Variants in PLPPR5 observed in about 807,000 individuals in gnomAD.
PLPPR5 encodes phospholipid phosphatase related 5.
Under a neutral mutation model 33.9 loss-of-function variants are expected in PLPPR5, and 16 were observed. The observed-to-expected ratio is 0.47, with a 90% CI of 0.32 to 0.72. The LOEUF is 0.72. PLPPR5 is among the 30% of genes least tolerant of loss of function. The pLI is 0.03. For synonymous variants in PLPPR5, 163 were observed against 150.3 expected (o/e 1.08, Z -0.62); for missense variants, 301 against 406.7 (o/e 0.74, Z 2.23).
intron 1 of PLPPR5, among the ~76,000 whole-genome samples, chr1:98,959,187 A>G (rs1651134148): frequency 6.6e-6 from 1 of 152,200 alleles, no homozygotes; most frequent in African/African-American, 2.4e-5. Context: ...GAGCCTGTAT[A>G]TGAAGTCCCT....
At chr1:98,897,948 A>T (rs1213433621) in intron 5 of PLPPR5, among the ~76,000 whole-genome samples, 1 of 152,178 alleles carries the variant, frequency 6.6e-6, no homozygotes, top group African/African-American at 2.4e-5. Flanking sequence ...ACAGCTAAAA[A>T]GGAAAGTTAA....
chr1:98,958,249 G>C (rs1220517086), intron 1 of PLPPR5, among the ~76,000 whole-genome samples: 2 of 152,200 alleles, frequency 1.3e-5, no homozygotes, highest in Admixed American at 1.3e-4. Flanking sequence ...TAGTATCTAT[G>C]ATTACAAGAT....
rs558515329 is a variant in PLPPR5, at chr1:98,987,148, C to A, written c.237+17287G>T. 4.0e-5 allele frequency among the ~76,000 whole-genome samples: 6 copies of A among 151,826 alleles called. No individual in the cohort carries two copies. The East Asian group carries it at 9.7e-4, about 25-fold the overall frequency. Reference sequence around the variant, plus strand: ...ACTACTTTGATACTGACAAACTTCCCAAAATCAAATGCTAAATTAAGTCTT... The same window carrying A: ...ACTACTTTGATACTGACAAACTTCCAAAAATCAAATGCTAAATTAAGTCTT... On this transcript the variant is annotated intron_variant, in intron 1 of 5. Transcript: ENST00000263177.
At chr1:98,983,902 G>A (rs1557693245) in intron 1 of PLPPR5, among the ~76,000 whole-genome samples, 2 of 149,918 alleles carry the variant, frequency 1.3e-5, no homozygotes, top group South Asian at 2.1e-4. Context: ...TTTGAGAAGT[G>A]TCTGTTCATG....
At chr1:98,953,646 T>G (rs577569474) in intron 2 of PLPPR5, among the ~76,000 whole-genome samples, 8 of 152,156 alleles carry the variant, frequency 5.3e-5, no homozygotes, top group Non-Finnish European at 1.2e-4. Flanking sequence ...CATGTGTTCC[T>G]TGAGAGGGTA....
chr1:98,901,112 G>A (rs187903615), intron 5 of PLPPR5, among the ~76,000 whole-genome samples: 52 of 152,234 alleles, frequency 3.4e-4, no homozygotes, highest in African/African-American at 1.2e-3. Context: ...TAAACAAACT[G>A]TGGTGCATCC....
intron 4 of PLPPR5, among the ~76,000 whole-genome samples, chr1:98,917,494 C>T (rs1349759979): frequency 4.6e-5 from 7 of 152,130 alleles, no homozygotes; most frequent in Admixed American, 4.6e-4. Context: ...CTTGGCTTTC[C>T]GTTTTTCTTA....
intron 1 of PLPPR5, among the ~76,000 whole-genome samples, chr1:99,002,724 G>T (rs1557699977): frequency 6.6e-6 from 1 of 152,090 alleles, no homozygotes; most frequent in African/African-American, 2.4e-5. Context: ...TGATTGGATG[G>T]TTAGGACTGA....
At chr1:98,909,143 A>T (rs537231574) in intron 5 of PLPPR5, among the ~76,000 whole-genome samples, 1 of 152,054 alleles carries the variant, frequency 6.6e-6, no homozygotes, top group South Asian at 2.1e-4. Flanking sequence ...AGGAATGTGG[A>T]TAAGGTCATG....
chr1:98,937,249 A>G (rs1650203260), intron 3 of PLPPR5, among the ~76,000 whole-genome samples: 1 of 152,222 alleles, frequency 6.6e-6, no homozygotes, highest in South Asian at 2.1e-4. Context: ...GTCAGTGATA[A>G]CATACTCCTG....
chr1:98,981,552 A>T (rs1282532809), intron 1 of PLPPR5, among the ~76,000 whole-genome samples: 1 of 152,030 alleles, frequency 6.6e-6, no homozygotes, highest in Non-Finnish European at 1.5e-5. Context: ...ACTTCCAGTT[A>T]TGCATACCTC....
At chr1:98,982,697 G>A (rs1436295896) in intron 1 of PLPPR5, among the ~76,000 whole-genome samples, 1 of 151,994 alleles carries the variant, frequency 6.6e-6, no homozygotes, top group Non-Finnish European at 1.5e-5. Flanking sequence ...TTGTAATTTT[G>A]TCTTTTGACA....
intron 5 of PLPPR5, among the ~76,000 whole-genome samples, chr1:98,894,438 C>T (rs1648396182): frequency 6.6e-6 from 1 of 152,012 alleles, no homozygotes; most frequent in Non-Finnish European, 1.5e-5. Flanking sequence ...TTTCCAGTGG[C>T]CCCACGGGTA....
intron 4 of PLPPR5, among the ~76,000 whole-genome samples, chr1:98,915,293 A>G (rs552088435): frequency 6.6e-6 from 1 of 152,166 alleles, no homozygotes; most frequent in Non-Finnish European, 1.5e-5. Context: ...TGGCTATTCT[A>G]CAACTTAATT....
In PLPPR5 at chr1:98,914,794, AT is replaced by A. The variant is rs1649280675; in HGVS notation, c.924del (p.Ser309LeufsTer34). 6.8e-6 allele frequency: 11 copies of A among 1,612,480 alleles called. No homozygotes were observed. In the East Asian group the frequency reaches 2.2e-4, roughly 33 times the overall value. ...TTTAAATTGTGAGTCACCTGTACAG[AT>A]GTTACCTTTTCCAAAGGACTTTCTA... ...PRVESPLEKV[T>X]SVQNHITAFA... is the part of the protein sequence containing the mutation. On this transcript the variant is annotated frameshift_variant, in exon 5 of 6. Coordinates refer to ENST00000263177, the MANE Select transcript of PLPPR5 (RefSeq NM_001037317.2). LOFTEE classifies it high-confidence loss of function.
intron 5 of PLPPR5, among the ~76,000 whole-genome samples, chr1:98,895,790 T>A (rs1463830593): frequency 2.0e-5 from 3 of 152,024 alleles, no homozygotes; most frequent in Admixed American, 6.6e-5. Flanking sequence ...AGAAGTATCC[T>A]GCTTGGGGCT....
chr1:98,982,482 G>T (rs1652090097), intron 1 of PLPPR5, among the ~76,000 whole-genome samples: 1 of 152,060 alleles, frequency 6.6e-6, no homozygotes, highest in South Asian at 2.1e-4. Flanking sequence ...AGTCCCTTCT[G>T]CTTTAACCTT....
intron 5 of PLPPR5, among the ~76,000 whole-genome samples, chr1:98,907,104 A>G (rs531843023): frequency 6.6e-6 from 1 of 151,842 alleles, no homozygotes; most frequent in East Asian, 1.9e-4. Context: ...TGTGTCAGCT[A>G]TCTTTCATCT....
At chr1:98,971,440 T>C (rs183799832) in intron 1 of PLPPR5, among the ~76,000 whole-genome samples, 10 of 152,046 alleles carry the variant, frequency 6.6e-5, no homozygotes, top group Non-Finnish European at 1.5e-4. Context: ...CTTTCACATA[T>C]AACTTACTCA....
Sources: gnomAD v4.1 joint callset for allele counts (sites outside exome capture counted in the v4.1 genomes callset) on GRCh38, gnomAD v4.1.1 for gene constraint, MANE v1.5 for transcripts, NCBI Gene and HGNC (gene_info 2026-07-23, HGNC 2026-07-21) for gene names.